The following MUSK variants were observed in gnomAD, a reference collection of about 807,000 sequenced individuals.
MUSK encodes the protein muscle, skeletal receptor tyrosine-protein kinase.
Under a neutral mutation model 88.7 loss-of-function variants are expected in MUSK, and 55 were observed. That is an observed-to-expected ratio of 0.62 (90% confidence interval 0.50 to 0.78). The LOEUF (loss-of-function observed/expected upper bound fraction) is 0.78. Among genes scored for constraint, MUSK ranks in the 30% least tolerant of loss-of-function variants. The pLI is 0.00. For missense variants in MUSK, 1,015 were observed against 1,074.3 expected, an observed-to-expected ratio of 0.94 and a Z score of 0.77; for synonymous variants, 387 against 391.9, an observed-to-expected ratio of 0.99 and a Z score of 0.15.
chr9:110,708,208 T>G (rs923678510), intron 5 of MUSK, among the ~76,000 whole-genome samples: 6 of 152,188 alleles, frequency 3.9e-5, no homozygotes, highest in African/African-American at 1.4e-4. Flanking sequence ...AATTTTAGAC[T>G]TCTGGCTGCC....
intron 5 of MUSK, among the ~76,000 whole-genome samples, chr9:110,708,057 C>A (rs2076621722): frequency 6.6e-6 from 1 of 152,034 alleles, no homozygotes; most frequent in African/African-American, 2.4e-5. Context: ...ATAGGTAAGA[C>A]AAGTAGAATT....
chr9:110,722,485 G>A (rs560375745), intron 5 of MUSK, among the ~76,000 whole-genome samples: 5 of 151,922 alleles, frequency 3.3e-5, no homozygotes, highest in African/African-American at 1.2e-4. Context: ...ATCCTAGATA[G>A]TGCAACTGCA....
At chr9:110,759,864 C>T (rs79808282) in intron 7 of MUSK, among the ~76,000 whole-genome samples, 16,608 of 152,108 alleles carry the variant, frequency 0.11, 995 homozygotes, top group Middle Eastern at 0.16. Context: ...GGCAAAACCT[C>T]GTCTCTACTA....
chr9:110,756,513 G>C (rs145919343), intron 7 of MUSK, among the ~76,000 whole-genome samples: 49 of 150,068 alleles, frequency 3.3e-4, no homozygotes, highest in African/African-American at 1.2e-3. Context: ...TCAGATTGTT[G>C]CAATTCTTTT....
At chr9:110,739,989 A>G (rs1229322457) in intron 6 of MUSK, among the ~76,000 whole-genome samples, 1 of 152,148 alleles carries the variant, frequency 6.6e-6, no homozygotes, top group Non-Finnish European at 1.5e-5. Flanking sequence ...AGATCAAAGA[A>G]GTGTCCCAAA....
At chr9:110,683,940 CT>C in intron 2 of MUSK, among the ~76,000 whole-genome samples, 1 of 152,128 alleles carries the variant, frequency 6.6e-6, no homozygotes, top group East Asian at 1.9e-4. Context: ...TGTCTCTTCA[CT>C]TTGTTTATTG....
intron 5 of MUSK, among the ~76,000 whole-genome samples, chr9:110,708,908 TC>T (rs1386143132): frequency 6.6e-6 from 1 of 152,184 alleles, no homozygotes; most frequent in Non-Finnish European, 1.5e-5. Context: ...TGAAAAGTTA[TC>T]GTGACCTGAA....
intron 8 of MUSK, among the ~76,000 whole-genome samples, chr9:110,764,627 ATAGATAGATAGG>A (rs1052125095): frequency 5.4e-5 from 7 of 128,688 alleles, no homozygotes; most frequent in African/African-American, 1.7e-4. Flanking sequence ...AGATAGATAG[ATAGATAGATAGG>A]TAGGTAGATC....
Position 110,774,122 on chromosome 9 carries a change from C to T in MUSK, c.1185-1666C>T, listed in dbSNP as rs138422530. On this transcript the variant is annotated intron_variant, in intron 9 of 14. Coordinates refer to ENST00000374448, the MANE Select transcript of MUSK (RefSeq NM_005592.4). ...TATTTGATTTTGAACTTCTTACTTG[C>T]TCCACCTTATCAGTTATTTCACACA... Among the ~76,000 whole-genome samples the T allele has an allele frequency of 3.4e-3, 520 of 152,258 alleles. 4 individuals carry two copies. The highest frequency in any genetic ancestry group is 0.012 in the African/African-American group (488 of 41,566).
intron 14 of MUSK, among the ~76,000 whole-genome samples, chr9:110,790,316 G>T (rs1196182376): frequency 6.6e-6 from 1 of 152,132 alleles, no homozygotes; most frequent in Admixed American, 6.6e-5. Context: ...AGAAAATCTG[G>T]AGAAAAAGTA....
rs757179369 is a variant in MUSK at position 110,695,542 on chromosome 9, T to A, written c.486+12T>A. 66 of 1,537,810 alleles carry A rather than the reference T, an allele frequency of 4.3e-5. No homozygotes were observed. In the East Asian group the frequency reaches 1.6e-3, roughly 36 times the overall value. On this transcript the variant is annotated intron_variant, in intron 4 of 14. Transcript: ENST00000374448. Reference sequence around the variant, plus strand: ...ACAGCCCTCTCAGGGTAAGTGGTTATGATGTTAAAACACATATATAAAATG... The same window carrying A: ...ACAGCCCTCTCAGGGTAAGTGGTTAAGATGTTAAAACACATATATAAAATG...
At chr9:110,712,159 G>GAA (rs35254603) in intron 5 of MUSK, among the ~76,000 whole-genome samples, 17,800 of 141,682 alleles carry the variant, frequency 0.13, 1,452 homozygotes, top group Non-Finnish European at 0.18. Flanking sequence ...TGTTTATTCT[G>GAA]AAAAAAAAAA....
chr9:110,772,460 AT>A (rs1212373302), intron 9 of MUSK, among the ~76,000 whole-genome samples: 1 of 151,932 alleles, frequency 6.6e-6, no homozygotes, highest in East Asian at 1.9e-4. Context: ...GGAAAATGTT[AT>A]TTTTTAAAAT....
intron 6 of MUSK, among the ~76,000 whole-genome samples, chr9:110,739,679 C>T (rs2077073113): frequency 1.3e-5 from 2 of 152,244 alleles, no homozygotes; most frequent in South Asian, 4.2e-4. Context: ...CACCTCGAGC[C>T]CATTGAGTTA....
At chr9:110,713,504 C>G (rs1189228047) in intron 5 of MUSK, among the ~76,000 whole-genome samples, 3 of 152,090 alleles carry the variant, frequency 2.0e-5, no homozygotes, top group African/African-American at 7.2e-5. Flanking sequence ...AAGTGATCCA[C>G]CTGCCTCAGT....
intron 11 of MUSK, among the ~76,000 whole-genome samples, chr9:110,781,488 G>T (rs903318108): frequency 6.6e-6 from 1 of 152,156 alleles, no homozygotes; most frequent in South Asian, 2.1e-4. Context: ...GTGTTAGCCA[G>T]GATGGTCTCG....
intron 14 of MUSK, among the ~76,000 whole-genome samples, chr9:110,797,838 C>T (rs527615668): frequency 2.0e-5 from 3 of 152,130 alleles, no homozygotes; most frequent in Non-Finnish European, 2.9e-5. Flanking sequence ...GATTATCAAG[C>T]AATTCCTGTT....
chr9:110,801,962 T>C lies in MUSK; in HGVS notation c.*974T>C, dbSNP rs1176222272. On this transcript the variant is annotated 3_prime_UTR_variant, in exon 15 of 15. Transcript: ENST00000374448. ...CAAAGTATTACTATTTTTCCTGCAT[T>C]TGCCTTTGAAGCCACACATTTCAAC... 6.6e-6 allele frequency among the ~76,000 whole-genome samples: 1 copy of C among 152,194 alleles called. No homozygotes were observed. Among genetic ancestry groups the C allele is most frequent in the Non-Finnish European group, 1.5e-5 (1 of 68,032 alleles).
intron 14 of MUSK, among the ~76,000 whole-genome samples, chr9:110,797,919 T>G (rs1310725962): frequency 6.6e-6 from 1 of 152,234 alleles, no homozygotes; most frequent in Non-Finnish European, 1.5e-5. Context: ...TGAAATTGAT[T>G]CAAACAGAAA....
Sources: gnomAD v4.1 joint callset for allele counts (sites outside exome capture counted in the v4.1 genomes callset) on GRCh38, gnomAD v4.1.1 for gene constraint, MANE v1.5 for transcripts, NCBI Gene and HGNC (gene_info 2026-07-23, HGNC 2026-07-21) for gene names.